The following MDGA2 variants were observed in gnomAD, a reference collection of about 807,000 sequenced individuals.
The protein encoded by MDGA2 is MAM domain containing glycosylphosphatidylinositol anchor 2.
A neutral mutation model predicts 117.8 loss-of-function variants in MDGA2; 40 were observed. The ratio of observed to expected loss-of-function variants is 0.34; its 90% CI spans 0.26 to 0.44. The LOEUF is 0.44. MDGA2 is among the 20% of genes least tolerant of loss of function. The probability of loss-of-function intolerance (pLI) is 1.00; values close to 1 mark genes in which losing one functional copy is unlikely to be tolerated. For synonymous variants in MDGA2, 452 were observed against 439.0 expected (o/e 1.03, Z -0.37); for missense variants, 1,123 against 1,250.6 (o/e 0.90, Z 1.54).
rs574672765 is a variant in MDGA2, at chr14:47,258,235, A to G, written c.421-40040T>C. ...GACTGTCCTCATATTGCTACAAAGAACTACCTGAGATTGGGTAATTTATAA... is the reference window on the plus strand; with the variant it reads ...GACTGTCCTCATATTGCTACAAAGAGCTACCTGAGATTGGGTAATTTATAA... On this transcript the variant is annotated intron_variant, in intron 2 of 16. Transcript: ENST00000399232. Among the ~76,000 whole-genome samples the G allele has an allele frequency of 2.2e-4, 34 of 152,280 alleles. No individual in the cohort carries two copies. The South Asian group carries it at 6.6e-3, about 30-fold the overall frequency.
At chr14:47,155,882 C>CTTTTTTTTTTTTTTTTTTTTTTTTT (rs1883351342) in intron 3 of MDGA2, among the ~76,000 whole-genome samples, 1 of 38,828 alleles carries the variant, frequency 2.6e-5, no homozygotes. Flanking sequence ...TTTTCTTCTT[C>CTTTTTTTTTTTTTTTTTTTTTTTTT]TTCTTCTTTT....
At chr14:47,275,603 T>G (rs1435696987) in intron 2 of MDGA2, among the ~76,000 whole-genome samples, 1 of 152,140 alleles carries the variant, frequency 6.6e-6, no homozygotes, top group Non-Finnish European at 1.5e-5. Flanking sequence ...CAAATATACC[T>G]AAAAAGCTTT....
At chr14:47,502,646 T>C (rs1894421725) in intron 1 of MDGA2, among the ~76,000 whole-genome samples, 1 of 152,094 alleles carries the variant, frequency 6.6e-6, no homozygotes, top group Non-Finnish European at 1.5e-5. Context: ...AAGATAATCC[T>C]TTGGGGGTTT....
chr14:47,327,566 A>T (rs1325913162), intron 1 of MDGA2, among the ~76,000 whole-genome samples: 1 of 152,134 alleles, frequency 6.6e-6, no homozygotes, highest in Non-Finnish European at 1.5e-5. Flanking sequence ...AGACCAGATT[A>T]TTGCACTCGT....
At chr14:46,870,547 C>T (rs1881954204) in intron 14 of MDGA2, among the ~76,000 whole-genome samples, 1 of 151,920 alleles carries the variant, frequency 6.6e-6, no homozygotes. Context: ...ATGTCTGGAC[C>T]AGGTATTTTT....
At chr14:47,010,727 T>C (rs566911941) in intron 8 of MDGA2, among the ~76,000 whole-genome samples, 13 of 152,180 alleles carry the variant, frequency 8.5e-5, no homozygotes, top group African/African-American at 2.6e-4. Flanking sequence ...TGTCCCCACC[T>C]ATGTAATTAA....
At chr14:47,616,132 CATTTGACTCTGA>C (rs1225773898) in intron 1 of MDGA2, among the ~76,000 whole-genome samples, 1 of 152,164 alleles carries the variant, frequency 6.6e-6, no homozygotes, top group African/African-American at 2.4e-5. Context: ...AACTAAAATA[CATTTGACTCTGA>C]ATTTTGAAGC....
chr14:47,253,989 G>A (rs1039696917), intron 2 of MDGA2, among the ~76,000 whole-genome samples: 8 of 152,354 alleles, frequency 5.3e-5, no homozygotes, highest in African/African-American at 1.7e-4. Context: ...GCAATGGCCC[G>A]AGTTGTACAT....
intron 1 of MDGA2, among the ~76,000 whole-genome samples, chr14:47,432,306 T>TC (rs2138529400): frequency 6.6e-6 from 1 of 152,240 alleles, no homozygotes; most frequent in South Asian, 2.1e-4. Flanking sequence ...ATTAAGGGAA[T>TC]CTCACACTTA....
chr14:47,279,613 T>C (rs1888409629), intron 2 of MDGA2, among the ~76,000 whole-genome samples: 1 of 152,056 alleles, frequency 6.6e-6, no homozygotes, highest in South Asian at 2.1e-4. Flanking sequence ...GGCTTCAGAG[T>C]TTCCCGTCAT....
At chr14:47,122,925 T>A (rs1276288603) in intron 5 of MDGA2, among the ~76,000 whole-genome samples, 1 of 152,114 alleles carries the variant, frequency 6.6e-6, no homozygotes, top group Non-Finnish European at 1.5e-5. Flanking sequence ...AAATACATGG[T>A]CTGGACTTTT....
chr14:47,156,991 T>C (rs756224285), intron 3 of MDGA2, among the ~76,000 whole-genome samples: 3 of 152,162 alleles, frequency 2.0e-5, no homozygotes, highest in Non-Finnish European at 4.4e-5. Flanking sequence ...CTGACTGAAA[T>C]GGTTACTGTG....
chr14:47,611,416 C>G (rs377008681), intron 1 of MDGA2, among the ~76,000 whole-genome samples: 1 of 152,026 alleles, frequency 6.6e-6, no homozygotes, highest in African/African-American at 2.4e-5. Context: ...GCAGAGTAAA[C>G]AGACAACCCA....
chr14:46,864,543 CTGTTTT>C (rs1294155057), intron 14 of MDGA2, among the ~76,000 whole-genome samples: 2 of 17,192 alleles, frequency 1.2e-4, no homozygotes, highest in Admixed American at 1.2e-3. Context: ...GCAGATATTG[CTGTTTT>C]TTTTTTTTTT....
intron 8 of MDGA2, among the ~76,000 whole-genome samples, chr14:47,010,412 G>A (rs528171297): frequency 9.9e-5 from 15 of 152,066 alleles, no homozygotes; most frequent in African/African-American, 3.4e-4. Context: ...ACACTCTGAC[G>A]TAAAATATTA....
At chr14:47,132,543 A>G (rs553403728) in intron 4 of MDGA2, among the ~76,000 whole-genome samples, 3 of 152,010 alleles carry the variant, frequency 2.0e-5, no homozygotes, top group African/African-American at 7.2e-5. Context: ...GAAGTATCTA[A>G]CAAACTCTTG....
intron 1 of MDGA2, among the ~76,000 whole-genome samples, chr14:47,496,679 A>G (rs1894287153): frequency 6.6e-6 from 1 of 151,554 alleles, no homozygotes; most frequent in South Asian, 2.1e-4. Context: ...ATGCTGATAT[A>G]CTGTTTAATT....
At chr14:47,609,428 C>CATATATATAT (rs3040345) in intron 1 of MDGA2, among the ~76,000 whole-genome samples, 578 of 17,496 alleles carry the variant, frequency 0.033, 88 homozygotes, top group East Asian at 0.095. Context: ...AGTATTCCAT[C>CATATATATAT]ATATATATAT....
chr14:47,038,063 G>T (rs983430618), intron 7 of MDGA2, among the ~76,000 whole-genome samples: 2 of 152,060 alleles, frequency 1.3e-5, no homozygotes, highest in African/African-American at 4.8e-5. Context: ...CTGAGTAGCT[G>T]GGATTACAGG....
Sources: allele counts gnomAD v4.1 joint callset (sites outside exome capture counted in the v4.1 genomes callset), GRCh38; gene constraint gnomAD v4.1.1; transcripts MANE v1.5; gene names NCBI Gene and HGNC (gene_info 2026-07-23, HGNC 2026-07-21).